OR52N4: variants seen among roughly 807,000 people sequenced by gnomAD.
OR52N4 encodes olfactory receptor family 52 subfamily N member 4, also known as olfactory receptor 52N4.
OR52N4 carries 15 observed loss-of-function variants against 15.0 expected under a neutral mutation model. The ratio of observed to expected loss-of-function variants is 1.00; its 90% confidence interval spans 0.67 to 1.54. The LOEUF (loss-of-function observed/expected upper bound fraction) is 1.54, where lower values mean the gene tolerates loss of function less well. Among genes scored for constraint, OR52N4 ranks in the 40% most tolerant of loss-of-function variants. OR52N4 has a pLI of 0.00. For synonymous variants in OR52N4, 143 were observed against 143.7 expected (o/e 1.00, Z 0.03); for missense variants, 421 against 394.0 (o/e 1.07, Z -0.58).
At chr11:5,751,517 T>C (rs1282531748), upstream of OR52N4, among the ~76,000 whole-genome samples, 2 of 152,096 alleles carry the variant, frequency 1.3e-5, no homozygotes, top group Non-Finnish European at 2.9e-5. Context: ...GCAAAAGGAA[T>C]TGTGGCTTTG....
At chr11:5,748,331 A>C in the OR52N4 span, among the ~76,000 whole-genome samples, 2 of 151,836 alleles carry the variant, frequency 1.3e-5, no homozygotes, top group African/African-American at 4.8e-5. Context: ...TGTTTTTTCA[A>C]GTTAGCATAT....
intron 1 of OR52N4, 63 bp from the exon 2 acceptor site, chr11:5,754,630 T>G: frequency 8.6e-7 from 1 of 1,167,430 alleles, no homozygotes; most frequent in Non-Finnish European, 1.2e-6. Context: ...TTTTTAAAAG[T>G]TGGGGGAGAG....
rs182094263 is a variant in OR52N4 at position 5,755,733 on chromosome 11, G to C, written c.*27G>C. ...TGAACACTTGCCAGGAGTGAGAAGA[G>C]AAGGAAAGAATTACTTCTATTTGCC... is the stretch of plus-strand genomic sequence containing the variant. On this transcript the variant is annotated 3_prime_UTR_variant, in exon 2 of 2. Coordinates refer to ENST00000641350, the MANE Select transcript of OR52N4 (RefSeq NM_001005175.5). The C allele has an allele frequency of 7.3e-5, 117 of 1,594,284 alleles. No individual in the cohort carries two copies. The East Asian group carries it at 1.8e-3, about 24-fold the overall frequency.
At chr11:5,738,703 G>C in the OR52N4 span, among the ~76,000 whole-genome samples, 1 of 152,060 alleles carries the variant, frequency 6.6e-6, no homozygotes, top group African/African-American at 2.4e-5. Flanking sequence ...GACACTGCAG[G>C]CAGGAGGTCG....
At position 5,755,931 on chromosome 11, in the gene OR52N4, T is replaced by C; in HGVS notation, c.*225T>C. On this transcript the variant is annotated 3_prime_UTR_variant, in exon 2 of 2. Transcript: ENST00000641350. ...TCACTCATGTGAAGGACCAGTCTAA[T>C]AATTAAACCATATTTTATTCGACAA... 1.9e-6 allele frequency: 1 copy of C among 519,062 alleles called. No homozygotes were observed. Among genetic ancestry groups the C allele is most frequent in the Non-Finnish European group, 3.3e-6 (1 of 298,730 alleles). The allele number at this position is 519,062 out of a possible 1,614,324, so 32.2% of individuals were successfully genotyped here.
At chr11:5,737,505 G>A in the OR52N4 span, 1 of 1,594,954 alleles carries the variant, frequency 6.3e-7, no homozygotes, top group South Asian at 1.1e-5. Context: ...CCTTCTCCAT[G>A]ATGTACATGA....
chr11:5,753,565 A>T (rs967532293), upstream of OR52N4, among the ~76,000 whole-genome samples: 44 of 152,326 alleles, frequency 2.9e-4, no homozygotes, highest in African/African-American at 1.0e-3. Flanking sequence ...AACAAGAAAG[A>T]TATCTTGAAA....
upstream of OR52N4, among the ~76,000 whole-genome samples, chr11:5,753,591 T>C (rs184371836): frequency 1.4e-3 from 219 of 152,302 alleles, 3 homozygotes; most frequent in Admixed American, 5.3e-3. Flanking sequence ...AAAAATTGAA[T>C]CAAAACTTCA....
chr11:5,755,393 A>C lies in OR52N4; in HGVS notation c.653A>C (p.Asn218Thr), dbSNP rs7396938. The C allele has an allele frequency of 3.1e-6, 5 of 1,613,962 alleles. No individual in the cohort carries two copies. The South Asian group carries it at 5.5e-5, about 18-fold the overall frequency. The change falls in exon 2 of 2, where the codon AAC (asparagine) becomes ACC (threonine). Residue 218 changes from asparagine (N) to threonine (T), a missense_variant. By Grantham distance (65) the Asn-to-Thr change is moderately conservative (BLOSUM62 0). Coordinates refer to ENST00000641350, the MANE Select transcript of OR52N4 (RefSeq NM_001005175.5). Reference protein sequence around the residue: ...IWGFDILCITNSYTMILRAVV... With the variant: ...IWGFDILCITTSYTMILRAVV... The stretch of plus-strand genomic sequence containing the variant: ...GGCTTTGACATACTGTGTATCACCA[A>C]CTCCTATACCATGATTCTCCGGGCA...
chr11:5,744,832 G>T, the OR52N4 span, among the ~76,000 whole-genome samples: 1 of 152,246 alleles, frequency 6.6e-6, no homozygotes, highest in East Asian at 1.9e-4. Flanking sequence ...AGGATTGGAG[G>T]ATCTCTTGAA....
chr11:5,755,309 C>T lies in OR52N4; in HGVS notation c.569C>T (p.Ser190Phe). Residue 190 changes from serine to phenylalanine, a missense_variant, in exon 2 of 2, where the codon TCC (serine) becomes TTC (phenylalanine). Ser to Phe is a radical substitution (Grantham distance 155). Coordinates refer to ENST00000641350, the MANE Select transcript of OR52N4 (RefSeq NM_001005175.5). ...GACCACATGTCTGTAGCCAAATTGT[C>T]CTGTGGTAATGTCAAGGTCAATGCC... ...YCDHMSVAKL[S>F]CGNVKVNAIY... is the part of the protein sequence containing the mutation. The T allele has an allele frequency of 6.2e-7, 1 of 1,614,012 alleles. No homozygotes were observed. Among genetic ancestry groups the T allele is most frequent in the Non-Finnish European group, 8.5e-7 (1 of 1,179,968 alleles).
chr11:5,730,467 A>G, the OR52N4 span, among the ~76,000 whole-genome samples: 1 of 152,104 alleles, frequency 6.6e-6, no homozygotes, highest in Non-Finnish European at 1.5e-5. Context: ...CTGGGATTAC[A>G]GGCGTGAGCC....
chr11:5,747,077 CAAAAAAAAAAA>C, the OR52N4 span, among the ~76,000 whole-genome samples: 22 of 57,264 alleles, frequency 3.8e-4, no homozygotes, highest in African/African-American at 1.3e-3. Flanking sequence ...GTAAAAATAC[CAAAAAAAAAAA>C]AAAAAAAAAA....
In OR52N4 at chr11:5,755,939, C is replaced by A. The variant is rs115504261; in HGVS notation, c.*233C>A. 1.4e-3 allele frequency: 688 copies of A among 491,800 alleles called. 3 individuals are homozygous for A. The highest frequency in any genetic ancestry group is 0.012 in the African/African-American group (633 of 51,658). 30.5% of individuals were successfully genotyped at this position (491,800 alleles called of 1,614,324 possible). A position where few individuals can be genotyped will look rare whatever the true frequency, so the allele number is the denominator to read the frequency against. ...GTGAAGGACCAGTCTAATAATTAAA[C>A]CATATTTTATTCGACAAAACCTAAT... On this transcript the variant is annotated 3_prime_UTR_variant, in exon 2 of 2. Coordinates refer to ENST00000641350, the MANE Select transcript of OR52N4 (RefSeq NM_001005175.5).
At chr11:5,732,460 C>CTG in the OR52N4 span, among the ~76,000 whole-genome samples, 1 of 152,174 alleles carries the variant, frequency 6.6e-6, no homozygotes, top group Admixed American at 6.5e-5. Context: ...CTCCAAGAGA[C>CTG]TGAATCCATC....
the OR52N4 span, among the ~76,000 whole-genome samples, chr11:5,728,523 C>G: frequency 6.6e-6 from 1 of 152,156 alleles, no homozygotes; most frequent in African/African-American, 2.4e-5. Context: ...AACAAATTAG[C>G]ATTTTCAATT....
chr11:5,729,314 G>GT, the OR52N4 span, among the ~76,000 whole-genome samples: 17 of 151,612 alleles, frequency 1.1e-4, no homozygotes, highest in African/African-American at 3.9e-4. Flanking sequence ...TAGAGACGGG[G>GT]TTTCACCGTG....
chr11:5,746,690 G>A, the OR52N4 span, among the ~76,000 whole-genome samples: 1 of 152,068 alleles, frequency 6.6e-6, no homozygotes, highest in African/African-American at 2.4e-5. Flanking sequence ...CTTATATACT[G>A]TGAGCGGGAA....
chr11:5,728,102 A>G, the OR52N4 span, among the ~76,000 whole-genome samples: 5,848 of 152,248 alleles, frequency 0.038, 347 homozygotes, highest in African/African-American at 0.13. Context: ...GACATTTTCT[A>G]TTTATCTCAC....
Sources: allele counts gnomAD v4.1 joint callset (sites outside exome capture counted in the v4.1 genomes callset), GRCh38; gene constraint gnomAD v4.1.1; transcripts MANE v1.5; gene names NCBI Gene and HGNC (gene_info 2026-07-23, HGNC 2026-07-21).